CCDC73: variants seen among roughly 807,000 people sequenced by gnomAD.
CCDC73 encodes the protein coiled-coil domain containing 73.
A neutral mutation model predicts 116.5 loss-of-function variants in CCDC73; 95 were observed. That is an observed-to-expected ratio of 0.82 (90% CI 0.69 to 0.97). The LOEUF is 0.97. CCDC73 is among the 50% of genes least tolerant of loss of function. The probability of loss-of-function intolerance (pLI) is 0.00; values close to 1 mark genes in which losing one functional copy is unlikely to be tolerated. For synonymous variants in CCDC73, 398 were observed against 401.3 expected (o/e 0.99, Z 0.10); for missense variants, 1,066 against 1,206.8 (o/e 0.88, Z 1.73).
At chr11:32,626,584 T>A (rs948063504) in intron 14 of CCDC73, among the ~76,000 whole-genome samples, 5 of 152,210 alleles carry the variant, frequency 3.3e-5, no homozygotes, top group Admixed American at 1.3e-4. Flanking sequence ...CTATACTACA[T>A]GGCTACAGTA....
chr11:32,674,104 A>G (rs1000663130), intron 9 of CCDC73, among the ~76,000 whole-genome samples: 7 of 152,206 alleles, frequency 4.6e-5, no homozygotes, highest in Non-Finnish European at 8.8e-5. Context: ...CCATTGATGC[A>G]ACCCATATAC....
At chr11:32,646,333 A>G (rs1359053207) in intron 12 of CCDC73, among the ~76,000 whole-genome samples, 1 of 152,118 alleles carries the variant, frequency 6.6e-6, no homozygotes, top group Non-Finnish European at 1.5e-5. Context: ...CAGATCCCAT[A>G]GTTTCCTGTC....
intron 2 of CCDC73, among the ~76,000 whole-genome samples, chr11:32,755,901 A>ATGTG (rs1407339775): frequency 1.1e-5 from 1 of 89,036 alleles, no homozygotes; most frequent in Non-Finnish European, 2.0e-5. Context: ...CTCCATATAT[A>ATGTG]TCTATATATA....
chr11:32,701,969 A>G (rs1323455404), intron 4 of CCDC73, among the ~76,000 whole-genome samples: 1 of 152,170 alleles, frequency 6.6e-6, no homozygotes, highest in Non-Finnish European at 1.5e-5. Flanking sequence ...ATCTTGCCCA[A>G]AGTCCTTTGT....
rs947731202 is a variant in CCDC73, at chr11:32,611,956, A to G, written c.2897-691T>C. The stretch of plus-strand genomic sequence containing the variant: ...AGACCAGCACCTAAAGCAATACCTA[A>G]TTAAAAGTTAATGGAATCTTAAGTA... On this transcript the variant is annotated intron_variant, in intron 16 of 17. Coordinates refer to ENST00000335185, the MANE Select transcript of CCDC73 (RefSeq NM_001008391.4). Among the ~76,000 whole-genome samples, 4 of 152,246 alleles carry G rather than the reference A, an allele frequency of 2.6e-5. No homozygotes were observed. The South Asian group carries it at 8.3e-4, about 32-fold the overall frequency.
At chr11:32,687,906 T>C (rs986962628) in intron 6 of CCDC73, among the ~76,000 whole-genome samples, 2 of 152,096 alleles carry the variant, frequency 1.3e-5, no homozygotes, top group Non-Finnish European at 2.9e-5. Context: ...GCTGAAAGAA[T>C]GATGAAGACA....
In CCDC73 at chr11:32,642,058, G is replaced by A; in HGVS notation, c.964C>T (p.Gln322Ter). 6.4e-7 allele frequency: 1 copy of A among 1,566,254 alleles called. No individual in the cohort carries two copies. Among genetic ancestry groups the A allele is most frequent in the African/African-American group, 1.4e-5 (1 of 72,864 alleles). The change falls in exon 13 of 18, where the codon CAA (glutamine) becomes TAA (stop). Residue 322 changes from glutamine (Q) to a stop codon, truncating the protein, a stop_gained. Coordinates refer to ENST00000335185, the MANE Select transcript of CCDC73 (RefSeq NM_001008391.4). LOFTEE classifies it high-confidence loss of function. ...TCATTTTCTTTTACCTTCTCCCTTT[G>A]CAGCTCATTATCTCTTTCAAGGGTC... ...NQTLERDNELQREKVKENEEK... is the reference protein window; with the variant it reads ...NQTLERDNEL
chr11:32,694,653 T>C (rs1385067338), intron 6 of CCDC73, among the ~76,000 whole-genome samples: 1 of 152,090 alleles, frequency 6.6e-6, no homozygotes, highest in Admixed American at 6.5e-5. Flanking sequence ...TACGTATGAA[T>C]GACAACAAAA....
intron 2 of CCDC73, among the ~76,000 whole-genome samples, chr11:32,726,519 T>C (rs1165947867): frequency 2.0e-5 from 3 of 152,070 alleles, no homozygotes; most frequent in Non-Finnish European, 4.4e-5. Flanking sequence ...GAGAAAAAAG[T>C]ATGGAAAACA....
intron 6 of CCDC73, among the ~76,000 whole-genome samples, chr11:32,690,082 G>C (rs1856240559): frequency 6.6e-6 from 1 of 152,022 alleles, no homozygotes; most frequent in South Asian, 2.1e-4. Context: ...TAAATGAGAA[G>C]ATTCAAAATA....
intron 2 of CCDC73, among the ~76,000 whole-genome samples, chr11:32,749,307 A>G (rs1850266463): frequency 6.6e-6 from 1 of 151,800 alleles, no homozygotes; most frequent in African/African-American, 2.4e-5. Context: ...TGCTATTATG[A>G]GACTCTGATG....
intron 9 of CCDC73, among the ~76,000 whole-genome samples, chr11:32,674,032 C>T (rs971833608): frequency 2.6e-5 from 4 of 152,178 alleles, no homozygotes. Flanking sequence ...TCTTCTTCCT[C>T]CCATCTCCTG....
chr11:32,651,379 C>T (rs1162016509), intron 12 of CCDC73, among the ~76,000 whole-genome samples: 1 of 152,318 alleles, frequency 6.6e-6, no homozygotes, highest in East Asian at 1.9e-4. Context: ...GGTACATGCA[C>T]ACAACCTAGG....
At chr11:32,745,841 T>C (rs1455628488) in intron 2 of CCDC73, among the ~76,000 whole-genome samples, 1 of 151,874 alleles carries the variant, frequency 6.6e-6, no homozygotes, top group Admixed American at 6.6e-5. Flanking sequence ...GGTGGGTCTC[T>C]TGAATACAAC....
At chr11:32,695,284 G>A (rs750997245) in intron 6 of CCDC73, among the ~76,000 whole-genome samples, 11 of 150,912 alleles carry the variant, frequency 7.3e-5, no homozygotes, top group African/African-American at 9.7e-5. Flanking sequence ...CAGGAGAATC[G>A]CTTGAACCCA....
chr11:32,731,544 G>A lies in CCDC73; in HGVS notation c.136-13397C>T, dbSNP rs146936662. Among the ~76,000 whole-genome samples, 725 of 152,272 alleles carry A rather than the reference G, an allele frequency of 4.8e-3. 4 individuals are homozygous for A. The highest frequency in any genetic ancestry group is 0.016 in the African/African-American group (671 of 41,570). ...GCGCTAACTGACACCTCATACAGCC[G>A]TGTGCCCCTCTGAGACGAAGCTTCC... On this transcript the variant is annotated intron_variant, in intron 2 of 17. Coordinates refer to ENST00000335185, the MANE Select transcript of CCDC73 (RefSeq NM_001008391.4).
At chr11:32,603,143 CTTAG>C (rs1855298801) in intron 17 of CCDC73, 123 bp from the exon 18 acceptor site, 1 of 701,392 alleles carries the variant, frequency 1.4e-6, no homozygotes, top group Non-Finnish European at 2.4e-6. Flanking sequence ...TTTCCACTAC[CTTAG>C]TAGTTCTGGC....
At chr11:32,746,449 T>C (rs1359227372) in intron 2 of CCDC73, among the ~76,000 whole-genome samples, 1 of 152,206 alleles carries the variant, frequency 6.6e-6, no homozygotes, top group Non-Finnish European at 1.5e-5. Context: ...GTTCTCTGTA[T>C]TTTTTGAATT....
chr11:32,646,845 A>T (rs963854758), intron 12 of CCDC73, among the ~76,000 whole-genome samples: 4 of 151,742 alleles, frequency 2.6e-5, no homozygotes, highest in Non-Finnish European at 5.9e-5. Context: ...CCTGTTTTCC[A>T]TCTTTTTGTC....
Sources: allele counts gnomAD v4.1 joint callset (sites outside exome capture counted in the v4.1 genomes callset), GRCh38; gene constraint gnomAD v4.1.1; transcripts MANE v1.5; gene names NCBI Gene and HGNC (gene_info 2026-07-23, HGNC 2026-07-21).